Variants in CDCP1 observed in about 807,000 individuals in gnomAD.
CDCP1 encodes the protein CUB domain containing protein 1, also known as CUB domain-containing protein 1.
CDCP1 carries 29 observed loss-of-function variants against 60.2 expected under a neutral mutation model. That is an observed-to-expected ratio of 0.48 (90% CI 0.36 to 0.66). The LOEUF (loss-of-function observed/expected upper bound fraction) is 0.66, where lower values mean the gene tolerates loss of function less well. Ranked by LOEUF, CDCP1 falls within the 30% of genes least tolerant of loss-of-function variation. The pLI is 0.00. For synonymous variants in CDCP1, 387 were observed against 431.1 expected, an observed-to-expected ratio of 0.90 and a Z score of 1.27; for missense variants, 876 against 1,074.3, an observed-to-expected ratio of 0.82 and a Z score of 2.58.
At chr3:45,134,880 C>T (rs55891698) in intron 1 of CDCP1, among the ~76,000 whole-genome samples, 15,062 of 152,134 alleles carry the variant, frequency 0.099, 945 homozygotes, top group East Asian at 0.28. Flanking sequence ...ACAGACAGCT[C>T]TCCAAAATAA....
At chr3:45,114,143 C>G (rs2125998627) in intron 2 of CDCP1, among the ~76,000 whole-genome samples, 1 of 152,328 alleles carries the variant, frequency 6.6e-6, no homozygotes, top group South Asian at 2.1e-4. Context: ...ATCTCCCAGC[C>G]TCAGCTCTGT....
In CDCP1 at chr3:45,118,636, G is replaced by A; in HGVS notation, c.83-15C>T. 1.2e-6 allele frequency: 2 copies of A among 1,609,638 alleles called. No individual in the cohort carries two copies. The highest frequency in any genetic ancestry group is 1.7e-6 in the Non-Finnish European group (2 of 1,176,292). On this transcript the variant is annotated splice_polypyrimidine_tract_variant and intron_variant, in intron 1 of 8. Coordinates refer to ENST00000296129, the MANE Select transcript of CDCP1 (RefSeq NM_022842.5). ...CTCAAAAGCTTCTGAAGGAAGGAAG[G>A]AAAATGAAGTAAGCAGGATGATTTA...
chr3:45,092,276 T>C (rs958518103), intron 6 of CDCP1, among the ~76,000 whole-genome samples: 1 of 152,194 alleles, frequency 6.6e-6, no homozygotes, highest in Non-Finnish European at 1.5e-5. Context: ...TCAGAAATGC[T>C]CTCAACGTAG....
At chr3:45,136,970 A>G (rs1699200926) in intron 1 of CDCP1, among the ~76,000 whole-genome samples, 1 of 152,202 alleles carries the variant, frequency 6.6e-6, no homozygotes, top group African/African-American at 2.4e-5. Context: ...TGAATTATAC[A>G]ATTGATACTG....
intron 2 of CDCP1, among the ~76,000 whole-genome samples, chr3:45,114,528 C>T (rs889334970): frequency 6.6e-6 from 1 of 152,002 alleles, no homozygotes; most frequent in Non-Finnish European, 1.5e-5. Flanking sequence ...GATCCTTCTG[C>T]CTCAGCCTCC....
chr3:45,095,616 C>T, intron 4 of CDCP1, 48 bp from the exon 5 acceptor site: 1 of 1,564,544 alleles, frequency 6.4e-7, no homozygotes, highest in Non-Finnish European at 8.8e-7. Flanking sequence ...TCAGCAGCAA[C>T]ACGGGAAATG....
At chr3:45,097,199 C>T (rs1293247816) in intron 4 of CDCP1, among the ~76,000 whole-genome samples, 13 of 151,452 alleles carry the variant, frequency 8.6e-5, no homozygotes, top group South Asian at 2.1e-4. Flanking sequence ...CCCAGCTACT[C>T]GGGAAGCTGA....
intron 2 of CDCP1, 133 bp from the exon 3 acceptor site, chr3:45,112,578 C>T (rs779942303): frequency 2.2e-4 from 282 of 1,259,490 alleles, no homozygotes; most frequent in Non-Finnish European, 3.0e-4. Flanking sequence ...GGCAGGGGCA[C>T]CCAGGCCCCA....
Position 45,146,089 on chromosome 3 carries a change from TCTCCGCACC to T in CDCP1, c.82+108_82+116del, listed in dbSNP as rs142688846. On this transcript the variant is annotated intron_variant, in intron 1 of 8. Transcript: ENST00000296129. ...TTTTGACTACGCCGTCCCCGCCCTC[TCTCCGCACC>T]CTCCGCACCCTCCGCACCCTGCGTC... The T allele has an allele frequency of 3.9e-3, 3,359 of 852,066 alleles. 71 individuals are homozygous for T. The African/African-American group carries it at 0.046, about 12-fold the overall frequency. The allele number at this position is 852,066 out of a possible 1,614,324, so 52.8% of individuals were successfully genotyped here.
intron 7 of CDCP1, 106 bp from the exon 8 acceptor site, chr3:45,089,247 C>T (rs1264962838): frequency 7.2e-6 from 6 of 837,440 alleles, no homozygotes; most frequent in African/African-American, 3.4e-5. Flanking sequence ...AAAGGTGGAG[C>T]GCCATACATG....
At chr3:45,121,168 C>G (rs1198925597) in intron 1 of CDCP1, among the ~76,000 whole-genome samples, 2 of 152,178 alleles carry the variant, frequency 1.3e-5, no homozygotes, top group Admixed American at 6.5e-5. Flanking sequence ...GCTAATAAAT[C>G]CTGGCAAGAA....
Position 45,146,337 on chromosome 3 carries a change from C to A in CDCP1, c.-50G>T. The A allele has an allele frequency of 1.4e-6, 2 of 1,476,138 alleles. No individual in the cohort carries two copies. The highest frequency in any genetic ancestry group is 1.8e-6 in the Non-Finnish European group (2 of 1,103,972). The allele number at this position is 1,476,138 out of a possible 1,614,324, so 91.4% of individuals were successfully genotyped here. On this transcript the variant is annotated 5_prime_UTR_variant, in exon 1 of 9. Coordinates refer to ENST00000296129, the MANE Select transcript of CDCP1 (RefSeq NM_022842.5). ...TGGGGAAAACGACGGTGGGGAGCGG[C>A]GGCCCCAGGCGCCCAAGCCCGGCGC...
At chr3:45,123,185 A>G (rs1698916337) in intron 1 of CDCP1, among the ~76,000 whole-genome samples, 1 of 152,130 alleles carries the variant, frequency 6.6e-6, no homozygotes, top group African/African-American at 2.4e-5. Context: ...TCATTTTGCA[A>G]TCAAGGAAGA....
chr3:45,133,386 C>G (rs1011643660), intron 1 of CDCP1, among the ~76,000 whole-genome samples: 4 of 148,100 alleles, frequency 2.7e-5, no homozygotes, highest in Non-Finnish European at 5.9e-5. Flanking sequence ...TTTATGACAC[C>G]AAGTTTCTGG....
intron 1 of CDCP1, among the ~76,000 whole-genome samples, chr3:45,145,897 G>C (rs1388311748): frequency 1.3e-5 from 2 of 151,946 alleles, no homozygotes; most frequent in Non-Finnish European, 2.9e-5. Flanking sequence ...TCCTTTTCCC[G>C]CCTTCTCGGC....
intron 1 of CDCP1, among the ~76,000 whole-genome samples, chr3:45,121,452 T>G (rs910320242): frequency 6.6e-6 from 1 of 152,256 alleles, no homozygotes; most frequent in Admixed American, 6.5e-5. Context: ...TAAAAAAAAT[T>G]CTTGGAGCCC....
At chr3:45,111,844 T>C (rs893593542) in intron 3 of CDCP1, among the ~76,000 whole-genome samples, 2 of 152,352 alleles carry the variant, frequency 1.3e-5, no homozygotes, top group Non-Finnish European at 1.5e-5. Context: ...TTGTCATTTT[T>C]TTGAAAACAA....
chr3:45,141,558 T>C (rs1236798329), intron 1 of CDCP1, among the ~76,000 whole-genome samples: 1 of 152,272 alleles, frequency 6.6e-6, no homozygotes, highest in Non-Finnish European at 1.5e-5. Context: ...AATCAGAAGA[T>C]GCTTATTTGT....
At chr3:45,131,201 TA>T (rs199565487) in intron 1 of CDCP1, among the ~76,000 whole-genome samples, 54 of 144,248 alleles carry the variant, frequency 3.7e-4, no homozygotes, top group South Asian at 2.2e-3. Flanking sequence ...TTATTGTGGT[TA>T]AAAAAAAAAA....
Sources: gnomAD v4.1 joint callset for allele counts (sites outside exome capture counted in the v4.1 genomes callset) on GRCh38, gnomAD v4.1.1 for gene constraint, MANE v1.5 for transcripts, NCBI Gene and HGNC (gene_info 2026-07-23, HGNC 2026-07-21) for gene names.